GTF2F2: variants seen among roughly 807,000 people sequenced by gnomAD.
GTF2F2 encodes ATP-dependent helicase GTF2F2.
In GTF2F2, 23 loss-of-function variants were observed where a neutral mutation model predicts 42.2. The observed-to-expected ratio is 0.55, with a 90% CI of 0.39 to 0.77. The LOEUF is 0.77. Ranked by LOEUF, GTF2F2 falls within the 30% of genes least tolerant of loss-of-function variation. The pLI is 0.00. For missense variants in GTF2F2, 261 were observed against 287.2 expected, an observed-to-expected ratio of 0.91 and a Z score of 0.66; for synonymous variants, 105 against 100.8, an observed-to-expected ratio of 1.04 and a Z score of -0.25.
intron 5 of GTF2F2, among the ~76,000 whole-genome samples, chr13:45,247,749 G>A (rs9567534): frequency 6.6e-6 from 1 of 152,038 alleles, no homozygotes; most frequent in Non-Finnish European, 1.5e-5. Flanking sequence ...AAATAATTTA[G>A]GGACTACTTT....
intron 5 of GTF2F2, among the ~76,000 whole-genome samples, chr13:45,242,122 G>A (rs1226895423): frequency 6.6e-6 from 1 of 151,986 alleles, no homozygotes; most frequent in Admixed American, 6.6e-5. Context: ...TCCTATAAAG[G>A]TGCTGTTTTA....
chr13:45,180,203 G>GTACTTTCTTCTTGGC (rs1218966096), intron 4 of GTF2F2, among the ~76,000 whole-genome samples: 6 of 152,034 alleles, frequency 3.9e-5, no homozygotes, highest in Admixed American at 2.6e-4. Context: ...AAATAAGTTT[G>GTACTTTCTTCTTGGC]TACTTTCTTC....
chr13:45,211,474 G>T (rs1314090688), intron 5 of GTF2F2, among the ~76,000 whole-genome samples: 43 of 148,948 alleles, frequency 2.9e-4, no homozygotes, highest in Non-Finnish European at 1.5e-5. Context: ...TCACTATGTT[G>T]CCCAGGCTGA....
intron 5 of GTF2F2, among the ~76,000 whole-genome samples, chr13:45,226,986 G>A (rs1874389600): frequency 6.6e-6 from 1 of 152,176 alleles, no homozygotes; most frequent in South Asian, 2.1e-4. Flanking sequence ...CAGCTACTGG[G>A]GAGAAATAGG....
chr13:45,199,969 G>A (rs2138181287), intron 4 of GTF2F2, among the ~76,000 whole-genome samples: 1 of 152,230 alleles, frequency 6.6e-6, no homozygotes, highest in South Asian at 2.1e-4. Context: ...TTACAGAGTA[G>A]GGAGGAGTTA....
chr13:45,219,523 T>G (rs1431473794), intron 5 of GTF2F2: 1 of 152,228 alleles, frequency 6.6e-6, no homozygotes, highest in Non-Finnish European at 1.5e-5. Context: ...TTCTTTTAGT[T>G]TGGAATTTTT....
intron 5 of GTF2F2, among the ~76,000 whole-genome samples, chr13:45,235,945 T>C (rs772913365): frequency 3.2e-4 from 49 of 152,220 alleles, no homozygotes; most frequent in Admixed American, 2.4e-3. Context: ...TGTAAGTCTT[T>C]ACTATTTACC....
At chr13:45,246,054 G>C (rs2138240047) in intron 5 of GTF2F2, among the ~76,000 whole-genome samples, 1 of 150,564 alleles carries the variant, frequency 6.6e-6, no homozygotes, top group African/African-American at 2.4e-5. Context: ...TGTCGCCCAG[G>C]CTGGAATGCA....
intron 5 of GTF2F2, among the ~76,000 whole-genome samples, chr13:45,244,588 C>G (rs1272727802): frequency 6.6e-6 from 1 of 152,120 alleles, no homozygotes; most frequent in Non-Finnish European, 1.5e-5. Context: ...AGAAGTTGAT[C>G]TTGACTGTTT....
intron 7 of GTF2F2, among the ~76,000 whole-genome samples, chr13:45,267,878 T>A (rs1876633696): frequency 6.6e-6 from 1 of 151,820 alleles, no homozygotes; most frequent in South Asian, 2.1e-4. Context: ...AACTGCACTT[T>A]CAAATTATGC....
chr13:45,263,354 G>A (rs919513860), intron 6 of GTF2F2, among the ~76,000 whole-genome samples: 2 of 151,844 alleles, frequency 1.3e-5, no homozygotes, highest in Non-Finnish European at 1.5e-5. Context: ...TCAGCCTCCC[G>A]AGTAGCTGAG....
At chr13:45,267,092 T>C in intron 6 of GTF2F2, 141 bp from the exon 7 acceptor site, 1 of 570,336 alleles carries the variant, frequency 1.8e-6, no homozygotes, top group African/African-American at 2.0e-5. Flanking sequence ...GGGGTTGCAG[T>C]GAGCTGAGAT....
rs1015521211 is a variant in GTF2F2, at chr13:45,237,978, A to G, written c.387-14893A>G. 2.4e-4 allele frequency among the ~76,000 whole-genome samples: 36 copies of G among 150,816 alleles called. 1 individual carries two copies. Among genetic ancestry groups the G allele is most frequent in the Admixed American group, 2.4e-3 (36 of 15,168 alleles). ...TGTTTGTTTGTTTGTTTTTGAGATGAAGTCTCACTCTGTAGCCCAGGCTGG... is the reference window on the plus strand; with the variant it reads ...TGTTTGTTTGTTTGTTTTTGAGATGGAGTCTCACTCTGTAGCCCAGGCTGG... On this transcript the variant is annotated intron_variant, in intron 5 of 7. Transcript: ENST00000340473.
intron 7 of GTF2F2, among the ~76,000 whole-genome samples, chr13:45,283,174 T>TTTTG (rs1246668937): frequency 6.6e-6 from 1 of 152,142 alleles, no homozygotes. Flanking sequence ...TTTGTGTTTT[T>TTTTG]TTTGTTTGTT....
chr13:45,261,425 CAAA>C (rs976923932), intron 6 of GTF2F2, among the ~76,000 whole-genome samples: 5 of 58,872 alleles, frequency 8.5e-5, no homozygotes, highest in Admixed American at 2.0e-4. Context: ...GACTCCATCT[CAAA>C]AAAAAAAAAA....
At chr13:45,190,623 A>C (rs2138167664) in intron 4 of GTF2F2, among the ~76,000 whole-genome samples, 1 of 152,338 alleles carries the variant, frequency 6.6e-6, no homozygotes, top group South Asian at 2.1e-4. Context: ...TTTGAGGTTT[A>C]ATTGAGAGAA....
chr13:45,214,513 A>T (rs1201055974), intron 5 of GTF2F2, among the ~76,000 whole-genome samples: 1 of 152,196 alleles, frequency 6.6e-6, no homozygotes, highest in Non-Finnish European at 1.5e-5. Flanking sequence ...TTTGTTTGCT[A>T]GTCTTAAAAT....
chr13:45,239,602 G>C (rs191737906), intron 5 of GTF2F2, among the ~76,000 whole-genome samples: 20 of 152,314 alleles, frequency 1.3e-4, no homozygotes, highest in African/African-American at 4.8e-4. Flanking sequence ...CAGAAATCTT[G>C]GAGAAAACCA....
intron 5 of GTF2F2, among the ~76,000 whole-genome samples, chr13:45,217,494 G>C (rs1288726774): frequency 3.9e-5 from 6 of 152,110 alleles, no homozygotes; most frequent in Non-Finnish European, 7.4e-5. Context: ...TGAGGTCAGG[G>C]ACTGTATCTT....
Sources: gnomAD v4.1 joint callset for allele counts (sites outside exome capture counted in the v4.1 genomes callset) on GRCh38, gnomAD v4.1.1 for gene constraint, MANE v1.5 for transcripts, NCBI Gene and HGNC (gene_info 2026-07-23, HGNC 2026-07-21) for gene names.